ZNF346: variants seen among roughly 807,000 people sequenced by gnomAD.
ZNF346 encodes the protein zinc finger protein 346, also known as double-stranded RNA-binding zinc finger protein JAZ.
In ZNF346, 23 loss-of-function variants were observed where a neutral mutation model predicts 33.7. That is an observed-to-expected ratio of 0.68 (90% confidence interval 0.49 to 0.97). The LOEUF (loss-of-function observed/expected upper bound fraction) is 0.97. ZNF346 is among the 50% of genes least tolerant of loss of function. ZNF346 has a pLI of 0.00. For missense variants in ZNF346, 340 were observed against 371.1 expected (o/e 0.92, Z 0.69); for synonymous variants, 134 against 142.4 (o/e 0.94, Z 0.42).
intron 5 of ZNF346, 45 bp from the exon 6 acceptor site, chr5:177,062,013 T>G: frequency 6.5e-7 from 1 of 1,542,524 alleles, no homozygotes; most frequent in Non-Finnish European, 8.9e-7. Context: ...GTCTTCAGGT[T>G]CCTTCTTTCT....
At chr5:177,038,555 C>T (rs1348400006) in intron 1 of ZNF346, among the ~76,000 whole-genome samples, 1 of 151,708 alleles carries the variant, frequency 6.6e-6, no homozygotes, top group Non-Finnish European at 1.5e-5. Flanking sequence ...TGGCCCCCAG[C>T]ACTAAGTGCA....
chr5:177,025,003 C>T (rs1776558380), intron 1 of ZNF346, among the ~76,000 whole-genome samples: 1 of 152,194 alleles, frequency 6.6e-6, no homozygotes, highest in Non-Finnish European at 1.5e-5. Context: ...CCATTGTAAG[C>T]ATATCGCCAG....
chr5:177,025,109 T>A (rs184105417), intron 1 of ZNF346, among the ~76,000 whole-genome samples: 1 of 152,230 alleles, frequency 6.6e-6, no homozygotes, highest in African/African-American at 2.4e-5. Context: ...AGCTCATTTA[T>A]ATTAAATCCC....
At chr5:177,038,313 G>C (rs980324456) in intron 1 of ZNF346, among the ~76,000 whole-genome samples, 3 of 143,906 alleles carry the variant, frequency 2.1e-5, no homozygotes, top group South Asian at 2.2e-4. Context: ...GGCTCTCCCT[G>C]TGTTGCCCAG....
intron 1 of ZNF346, among the ~76,000 whole-genome samples, chr5:177,025,997 AT>A (rs35918647): frequency 0.8 from 118,354 of 148,174 alleles, 47,773 homozygotes; most frequent in East Asian, 0.98. Context: ...TATTATTATT[AT>A]TTTTTTTTTT....
rs375973385 is a variant in ZNF346, at chr5:177,041,848, C to G, written c.350C>G (p.Thr117Arg). ...GGAATGGAGACATTAAAGGGGGAAA[C>G]GAAGAAGCTAGACTCAGATCAGGTA... ...IHGMETLKGE[T>R]KKLDSDQKSS... Residue 117 changes from threonine to arginine, a missense_variant, in exon 3 of 7, where the codon ACG (threonine) becomes AGG (arginine). Thr to Arg is a moderately conservative substitution (Grantham distance 71, BLOSUM62 -1). Coordinates refer to ENST00000358149, the MANE Select transcript of ZNF346 (RefSeq NM_012279.4). The G allele has an allele frequency of 5.6e-6, 9 of 1,612,290 alleles. No homozygotes were observed. The Admixed American group carries it at 1.5e-4, about 27-fold the overall frequency.
At chr5:177,074,940 T>C (rs1263950524) in intron 8 of ZNF346, among the ~76,000 whole-genome samples, 3 of 148,054 alleles carry the variant, frequency 2.0e-5, no homozygotes, top group East Asian at 2.0e-4. Context: ...GTGGTGGGCA[T>C]CTGTAGTCCC....
intron 2 of ZNF346, 113 bp from the exon 3 acceptor site, chr5:177,041,665 C>T (rs1779352832): frequency 1.4e-6 from 1 of 693,258 alleles, no homozygotes; most frequent in Middle Eastern, 2.5e-4. Context: ...CTCACCTCCT[C>T]CTCAAAACTT....
chr5:177,027,272 C>G (rs1186780957), intron 1 of ZNF346, among the ~76,000 whole-genome samples: 1 of 151,936 alleles, frequency 6.6e-6, no homozygotes, highest in African/African-American at 2.4e-5. Context: ...AGGCTGGTCT[C>G]AAACTCCTGA....
In ZNF346 at chr5:177,022,715, T is replaced by C. The variant is rs767452375; in HGVS notation, c.-24T>C. 4 of 1,533,450 alleles carry C rather than the reference T, an allele frequency of 2.6e-6. No individual in the cohort carries two copies. The highest frequency in any genetic ancestry group is 2.4e-5 in the South Asian group (2 of 83,300). The allele number at this position is 1,533,450 out of a possible 1,614,324, so 95.0% of individuals were successfully genotyped here. ...ATACCTAGGCGCCTGAGAGGCTCTC[T>C]ACCGGTGAGGGTTTGCGGGGAAGAT... On this transcript the variant is annotated 5_prime_UTR_variant, in exon 1 of 7. Transcript: ENST00000358149.
chr5:177,053,317 CA>C lies in ZNF346; in HGVS notation c.703+2402del, dbSNP rs754883910. On this transcript the variant is annotated intron_variant, in intron 5 of 6. Transcript: ENST00000358149. ...GCAAAAGAGCAGCAAGACTTCATCT[CA>C]AAAAAAAAAAAAAAAAAAAACAGGG... Among the ~76,000 whole-genome samples the C allele has an allele frequency of 3.8e-3, 332 of 87,342 alleles. 1 individual carries two copies. Among genetic ancestry groups the C allele is most frequent in the Middle Eastern group, 0.011 (2 of 182 alleles). The allele number at this position is 87,342 out of a possible 152,430, so 57.3% of individuals were successfully genotyped here. A position where few individuals can be genotyped will look rare whatever the true frequency, so the allele number is the denominator to read the frequency against.
intron 1 of ZNF346, among the ~76,000 whole-genome samples, chr5:177,032,004 T>TC (rs1777786301): frequency 9.2e-6 from 1 of 108,642 alleles, no homozygotes; most frequent in Non-Finnish European, 1.7e-5. Context: ...TTTTCTTTTT[T>TC]TTTTTTTTTT....
At position 177,022,965 on chromosome 5, in the gene ZNF346, C is replaced by G. The variant is rs368165512; in HGVS notation, c.175+52C>G. ...AGCCCCTCGCCCGCTGCGCGGCTCG[C>G]GGGGAACTGCGGAAGCGCCGACGGT... On this transcript the variant is annotated intron_variant, in intron 1 of 6. Transcript: ENST00000358149. The G allele has an allele frequency of 4.1e-5, 59 of 1,441,248 alleles. 1 individual carries two copies. In the South Asian group the frequency reaches 8.0e-4, roughly 20 times the overall value. The allele number at this position is 1,441,248 out of a possible 1,614,324, so 89.3% of individuals were successfully genotyped here.
chr5:177,022,998 C>G, intron 1 of ZNF346, 85 bp downstream of exon 1: 4 of 1,446,766 alleles, frequency 2.8e-6, no homozygotes, highest in South Asian at 1.4e-5. Flanking sequence ...GGTCACACCC[C>G]CTGGCCCGCC....
chr5:177,078,572 A>G (rs1783859553), intron 8 of ZNF346, among the ~76,000 whole-genome samples: 1 of 152,186 alleles, frequency 6.6e-6, no homozygotes, highest in Non-Finnish European at 1.5e-5. Flanking sequence ...CTGCGAGCCT[A>G]ACAGTTGAAA....
At chr5:177,071,639 C>T (rs1284098322), downstream of ZNF346, among the ~76,000 whole-genome samples, 10 of 149,790 alleles carry the variant, frequency 6.7e-5, no homozygotes, top group South Asian at 1.9e-3. Flanking sequence ...GAGCTGAGAT[C>T]GTGCCACTGC....
At chr5:177,047,249 A>G (rs979724006) in intron 4 of ZNF346, among the ~76,000 whole-genome samples, 5 of 151,182 alleles carry the variant, frequency 3.3e-5, no homozygotes, top group African/African-American at 9.7e-5. Flanking sequence ...GGGTTTCACT[A>G]TGTTGCCCAG....
intron 1 of ZNF346, among the ~76,000 whole-genome samples, chr5:177,028,997 G>T (rs1777292065): frequency 6.6e-6 from 1 of 151,918 alleles, no homozygotes; most frequent in Non-Finnish European, 1.5e-5. Context: ...GGGATTACAG[G>T]CGTGAGCCAC....
intron 1 of ZNF346, among the ~76,000 whole-genome samples, chr5:177,033,774 C>T (rs534958912): frequency 1.3e-5 from 2 of 152,188 alleles, no homozygotes; most frequent in East Asian, 1.9e-4. Flanking sequence ...CCACCCACCT[C>T]GACCTTCCAA....
Sources: gnomAD v4.1 joint callset for allele counts (sites outside exome capture counted in the v4.1 genomes callset) on GRCh38, gnomAD v4.1.1 for gene constraint, MANE v1.5 for transcripts, NCBI Gene and HGNC (gene_info 2026-07-23, HGNC 2026-07-21) for gene names.